C4orf50: variants seen among roughly 807,000 people sequenced by gnomAD.
C4orf50 encodes uncharacterized protein C4orf50.
A neutral mutation model predicts 77.2 loss-of-function variants in C4orf50; 80 were observed. The observed-to-expected ratio is 1.04, with a 90% CI of 0.87 to 1.25. The LOEUF is 1.25. Ranked by LOEUF, C4orf50 falls within the 50% of genes most tolerant of loss-of-function variation. The pLI is 0.00. For synonymous variants in C4orf50, 532 were observed against 465.3 expected (o/e 1.14, Z -1.84); for missense variants, 1,257 against 1,152.9 (o/e 1.09, Z -1.31).
chr4:5,991,313 G>A (rs1006185900), intron 27 of C4orf50, among the ~76,000 whole-genome samples: 1 of 152,164 alleles, frequency 6.6e-6, no homozygotes, highest in Admixed American at 6.5e-5. Flanking sequence ...GGTGGCAATA[G>A]CCCCATGTGG....
rs781253167 is a variant in C4orf50 at position 5,923,589 on chromosome 4, GGAT to G, written c.*2475-25404_*2475-25402del. On this transcript the variant is annotated intron_variant, in intron 7 of 7. Coordinates refer to the C4orf50 transcript ENST00000324058. ...GGGCTGGGCGAGGGATCGGGGGTAG[GGAT>G]GGAGGGGAGAAGGCTGGCCTGGTGC... 5.7e-4 allele frequency among the ~76,000 whole-genome samples: 86 copies of G among 152,132 alleles called. 1 individual carries two copies. The highest frequency in any genetic ancestry group is 1.3e-4 in the Non-Finnish European group (9 of 68,034).
intron 28 of C4orf50, among the ~76,000 whole-genome samples, chr4:5,982,340 C>T (rs1213050674): frequency 6.6e-6 from 1 of 152,208 alleles, no homozygotes; most frequent in Non-Finnish European, 1.5e-5. Flanking sequence ...TCACCCCACA[C>T]AGCAGCCCTG....
At chr4:5,938,231 T>A (rs1428055393) in intron 7 of C4orf50, among the ~76,000 whole-genome samples, 4 of 152,244 alleles carry the variant, frequency 2.6e-5, no homozygotes, top group Non-Finnish European at 4.4e-5. Context: ...CCATATTCTC[T>A]GGTTACGATG....
chr4:5,940,300 A>G (rs73795124), intron 7 of C4orf50, among the ~76,000 whole-genome samples: 1 of 152,208 alleles, frequency 6.6e-6, no homozygotes, highest in Admixed American at 6.5e-5. Context: ...CACACTTGAT[A>G]GAAATCTTCC....
intron 7 of C4orf50, among the ~76,000 whole-genome samples, chr4:5,951,545 G>A (rs987130781): frequency 6.6e-6 from 1 of 152,174 alleles, no homozygotes; most frequent in African/African-American, 2.4e-5. Flanking sequence ...AAATACAAAT[G>A]TGAAGCTGAG....
intron 7 of C4orf50, among the ~76,000 whole-genome samples, chr4:5,927,624 CCTCT>C (rs1362375423): frequency 6.6e-6 from 1 of 150,640 alleles, no homozygotes; most frequent in African/African-American, 2.5e-5. Context: ...CCCTGCTCTC[CCTCT>C]GTCTCTCTCT....
rs1320037334 is a variant in C4orf50, at chr4:6,000,101, T to G, written c.964-5625A>C. Among the ~76,000 whole-genome samples the G allele has an allele frequency of 6.6e-6, 1 of 152,136 alleles. No individual in the cohort carries two copies. Among genetic ancestry groups the G allele is most frequent in the African/African-American group, 2.4e-5 (1 of 41,430 alleles). On this transcript the variant is annotated intron_variant, in intron 25 of 33. Coordinates refer to ENST00000531445, the Ensembl canonical transcript of C4orf50. The surrounding 1 kb of genome is among the most constrained non-coding windows in gnomAD (Gnocchi z 6.0). ...GAGATCCTTTGACAGTCACCACTGTTGTCCAGAGCAAGGTGCTGAAGACCT... is the reference window on the plus strand; with the variant it reads ...GAGATCCTTTGACAGTCACCACTGTGGTCCAGAGCAAGGTGCTGAAGACCT...
Position 5,973,848 on chromosome 4 carries a change from G to C in C4orf50, c.3922-7C>G. On this transcript the variant is annotated splice_polypyrimidine_tract_variant and splice_region_variant and intron_variant, in intron 30 of 33. Coordinates refer to ENST00000531445, the Ensembl canonical transcript of C4orf50. Reference sequence around the variant, plus strand: ...CGAGGGAAGCTATCTTGGCCTGAAAGGGAGGGAGGCCATGGATGCAGAGCT... The same window carrying C: ...CGAGGGAAGCTATCTTGGCCTGAAACGGAGGGAGGCCATGGATGCAGAGCT... 1 of 1,604,140 alleles carries C rather than the reference G, an allele frequency of 6.2e-7. No homozygotes were observed. Among genetic ancestry groups the C allele is most frequent in the Non-Finnish European group, 8.5e-7 (1 of 1,174,030 alleles).
chr4:5,994,377 T>C (rs4993355), exon 26 of C4orf50: 34,535 of 399,244 alleles, frequency 0.087, 2,360 homozygotes, highest in African/African-American at 0.25. Flanking sequence ...GGTGCATCAT[T>C]GGACCGCAGG....
At chr4:5,990,533 T>G in exon 28 of C4orf50, 1 of 399,120 alleles carries the variant, frequency 2.5e-6, no homozygotes, top group Admixed American at 4.4e-5. Flanking sequence ...CCTGTGGCTT[T>G]GGGAGGAGGC....
intron 31 of C4orf50, 64 bp downstream of exon 9, chr4:5,973,595 G>C: frequency 7.4e-7 from 1 of 1,343,434 alleles, no homozygotes; most frequent in Non-Finnish European, 1.0e-6. Context: ...TCAGGCAGGG[G>C]CATGCAAGGG....
At chr4:5,927,339 C>T (rs1001325600) in intron 7 of C4orf50, among the ~76,000 whole-genome samples, 1 of 152,064 alleles carries the variant, frequency 6.6e-6, no homozygotes, top group Non-Finnish European at 1.5e-5. Flanking sequence ...TCAACTCCCT[C>T]CAGTCTTTCT....
chr4:5,952,907 G>A (rs1211034726), downstream of C4orf50, among the ~76,000 whole-genome samples: 2 of 152,332 alleles, frequency 1.3e-5, no homozygotes, highest in East Asian at 3.9e-4. The surrounding 1 kb of genome is among the most constrained non-coding windows in gnomAD (Gnocchi z 4.4). Context: ...CCTATCGTAA[G>A]TTTTGGTTTT....
intron 7 of C4orf50, among the ~76,000 whole-genome samples, chr4:5,911,757 C>A (rs1459451777): frequency 6.6e-6 from 1 of 152,090 alleles, no homozygotes; most frequent in African/African-American, 2.4e-5. Context: ...AAAAACAAAA[C>A]AAACAAAACA....
At chr4:5,961,861 G>A (rs369539999) in intron 33 of C4orf50, among the ~76,000 whole-genome samples, 8 of 151,824 alleles carry the variant, frequency 5.3e-5, no homozygotes, top group African/African-American at 1.9e-4. Flanking sequence ...ATAGATTTGT[G>A]TGACGTGACA....
At chr4:5,968,059 G>C (rs979878957) in intron 31 of C4orf50, among the ~76,000 whole-genome samples, 1 of 152,216 alleles carries the variant, frequency 6.6e-6, no homozygotes, top group East Asian at 1.9e-4. Flanking sequence ...CCTCTTGGGT[G>C]TTTCTGATGG....
chr4:5,916,360 G>A lies in C4orf50; in HGVS notation c.*2475-18172C>T, dbSNP rs989540276. On this transcript the variant is annotated intron_variant, in intron 7 of 7. Transcript: ENST00000324058. The surrounding 1 kb of genome is among the most constrained non-coding windows in gnomAD (Gnocchi z 4.4). The stretch of plus-strand genomic sequence containing the variant: ...TAGGAGAGGGGTGGGGCTTAACCAC[G>A]CCGAACAGACAGCCTTGGGTCCCTG... Among the ~76,000 whole-genome samples the A allele has an allele frequency of 2.0e-5, 3 of 151,534 alleles. No homozygotes were observed. Among genetic ancestry groups the A allele is most frequent in the Non-Finnish European group, 2.9e-5 (2 of 68,026 alleles).
chr4:5,980,200 G>A (rs768362868), exon 29 of C4orf50: 21 of 1,603,334 alleles, frequency 1.3e-5, no homozygotes, highest in African/African-American at 4.0e-5. Context: ...TCCTGGAGGC[G>A]GGTGGCCTCG....
chr4:6,011,288 C>T lies in C4orf50; in HGVS notation c.426+542G>A, dbSNP rs1349366174. On this transcript the variant is annotated intron_variant, in intron 24 of 33. Coordinates refer to ENST00000531445, the Ensembl canonical transcript of C4orf50. This position sits in a 1 kb window ranked among gnomAD's most constrained non-coding sequence, Gnocchi z 4.2. ...CTGGAACTTTCCGACTCACCCACTC[C>T]GTCCCCAGCACGGTGATATCCTCTG... Among the ~76,000 whole-genome samples the T allele has an allele frequency of 2.0e-5, 3 of 152,258 alleles. No individual in the cohort carries two copies. Among genetic ancestry groups the T allele is most frequent in the Non-Finnish European group, 4.4e-5 (3 of 68,016 alleles).
Sources: allele counts gnomAD v4.1 joint callset (sites outside exome capture counted in the v4.1 genomes callset), GRCh38; gene constraint gnomAD v4.1.1; non-coding constraint Gnocchi (gnomAD v3.1); transcripts MANE v1.5; gene names NCBI Gene and HGNC (gene_info 2026-07-23, HGNC 2026-07-21).